Variants in ZPBP2 observed in about 807,000 individuals in gnomAD.
The protein encoded by ZPBP2 is zona pellucida-binding protein 2.
Under a neutral mutation model 37.5 loss-of-function variants are expected in ZPBP2, and 34 were observed. The ratio of observed to expected loss-of-function variants is 0.91; its 90% CI spans 0.69 to 1.21. ZPBP2 has a LOEUF of 1.21. ZPBP2 is among the 50% of genes most tolerant of loss of function. The pLI is 0.00. For missense variants in ZPBP2, 397 were observed against 413.5 expected, an observed-to-expected ratio of 0.96 and a Z score of 0.35; for synonymous variants, 143 against 138.4, an observed-to-expected ratio of 1.03 and a Z score of -0.23.
intron 3 of ZPBP2, 111 bp from the exon 4 acceptor site, chr17:39,871,353 T>A (rs2063363675): frequency 1.6e-6 from 1 of 639,282 alleles, no homozygotes; most frequent in Non-Finnish European, 2.4e-6. Flanking sequence ...ATCCTTAAAG[T>A]TGAGATAGTT....
intron 2 of ZPBP2, among the ~76,000 whole-genome samples, chr17:39,869,744 G>A (rs541073282): frequency 2.5e-4 from 24 of 97,072 alleles, no homozygotes; most frequent in Middle Eastern, 0.012. Context: ...ACAGCATCTC[G>A]CTCCATTGCC....
chr17:39,868,510 C>T lies in ZPBP2; in HGVS notation c.53-39C>T, dbSNP rs202236981. 43 of 1,614,082 alleles carry T rather than the reference C, an allele frequency of 2.7e-5. No individual in the cohort carries two copies. In the East Asian group the frequency reaches 8.9e-4, roughly 33 times the overall value. On this transcript the variant is annotated intron_variant, in intron 1 of 7. Transcript: ENST00000348931. Reference sequence around the variant, plus strand: ...CCCTGCCCGACTCTGAACCCTGCTCCTCTTCTAACTAAAAGTCAGTGTTTT... The same window carrying T: ...CCCTGCCCGACTCTGAACCCTGCTCTTCTTCTAACTAAAAGTCAGTGTTTT...
chr17:39,871,584 A>G lies in ZPBP2; in HGVS notation c.365A>G (p.Glu122Gly), dbSNP rs751812909. 5 of 1,597,048 alleles carry G rather than the reference A, an allele frequency of 3.1e-6. No homozygotes were observed. The South Asian group carries it at 4.6e-5, about 15-fold the overall frequency. Residue 122 changes from glutamate to glycine, a missense_variant, in exon 4 of 8, where the codon GAA becomes GGA. Glu to Gly is a moderately conservative substitution (Grantham distance 98). Coordinates refer to ENST00000348931, the MANE Select transcript of ZPBP2 (RefSeq NM_199321.3). ...AAGACTGTTAAAGCAGAAACTCAAGAAGAAAAAACAGTCAAAAAGAGATAT... is the reference window on the plus strand; with the variant it reads ...AAGACTGTTAAAGCAGAAACTCAAGGAGAAAAAACAGTCAAAAAGAGATAT... The part of the protein sequence containing the change: ...SYKTVKAETQ[E>G]EKTVKKRYDF...
Position 39,868,450 on chromosome 17 carries a change from G to A in ZPBP2, c.52+44G>A, listed in dbSNP as rs1205148348. On this transcript the variant is annotated intron_variant, in intron 1 of 7. Coordinates refer to ENST00000348931, the MANE Select transcript of ZPBP2 (RefSeq NM_199321.3). Reference sequence around the variant, plus strand: ...GGTCCCCAGGCCTCTCCCTCTGCCCGAGCTTCCCGGTCCTGCCTCCTTCGC... The same window carrying A: ...GGTCCCCAGGCCTCTCCCTCTGCCCAAGCTTCCCGGTCCTGCCTCCTTCGC... 5 of 1,611,764 alleles carry A rather than the reference G, an allele frequency of 3.1e-6. No homozygotes were observed. The Admixed American group carries it at 5.0e-5, about 16-fold the overall frequency.
At position 39,875,449 on chromosome 17, in the gene ZPBP2, T is replaced by C; in HGVS notation, c.889+15T>C. 1.3e-6 allele frequency: 2 copies of C among 1,547,088 alleles called. No homozygotes were observed. Among genetic ancestry groups the C allele is most frequent in the Non-Finnish European group, 1.7e-6 (2 of 1,146,464 alleles). ...TAGCTGTTGTGGTAACTATAAAATATAAATATCTAAACATTTAGGTTATAG... is the reference window on the plus strand; with the variant it reads ...TAGCTGTTGTGGTAACTATAAAATACAAATATCTAAACATTTAGGTTATAG... On this transcript the variant is annotated intron_variant, in intron 7 of 7. Coordinates refer to ENST00000348931, the MANE Select transcript of ZPBP2 (RefSeq NM_199321.3).
In ZPBP2 at chr17:39,868,345, C is replaced by A. The variant is rs374192011; in HGVS notation, c.-10C>A. On this transcript the variant is annotated 5_prime_UTR_variant, in exon 1 of 8. Transcript: ENST00000348931. ...CCCTCGACGCCTCCTGCGACGCCAGCCCCTGAGCGATGATGCGAACGTGCG... is the reference window on the plus strand; with the variant it reads ...CCCTCGACGCCTCCTGCGACGCCAGACCCTGAGCGATGATGCGAACGTGCG... The A allele has an allele frequency of 6.2e-7, 1 of 1,608,126 alleles. No homozygotes were observed. The highest frequency in any genetic ancestry group is 1.3e-5 in the African/African-American group (1 of 75,024).
chr17:39,875,663 A>T (rs1031674577), intron 7 of ZPBP2, among the ~76,000 whole-genome samples: 26 of 150,398 alleles, frequency 1.7e-4, no homozygotes, highest in Admixed American at 3.3e-4. Flanking sequence ...CAGTGGCGTC[A>T]TCTGAGCTCA....
intron 7 of ZPBP2, among the ~76,000 whole-genome samples, 187 bp downstream of exon 7, chr17:39,875,621 T>C (rs1057005275): frequency 4.6e-5 from 7 of 151,402 alleles, no homozygotes; most frequent in Non-Finnish European, 1.0e-4. Flanking sequence ...TTTTTTGAGA[T>C]AGAGTCTCAC....
intron 1 of ZPBP2, 28 bp downstream of exon 1, chr17:39,868,434 G>T: frequency 6.2e-7 from 1 of 1,611,420 alleles, no homozygotes; most frequent in Non-Finnish European, 8.5e-7. Flanking sequence ...CGGTCCCCAG[G>T]CCTCTCCCTC....
chr17:39,872,933 T>A, intron 5 of ZPBP2, 111 bp from the exon 6 acceptor site: 1 of 849,784 alleles, frequency 1.2e-6, no homozygotes, highest in Non-Finnish European at 1.9e-6. Context: ...ATTAGATAGC[T>A]GGACTAAACA....
At chr17:39,873,587 C>T (rs185974330) in intron 6 of ZPBP2, among the ~76,000 whole-genome samples, 28 of 152,062 alleles carry the variant, frequency 1.8e-4, no homozygotes, top group Admixed American at 1.8e-3. Context: ...TTTGGAGTAG[C>T]ACATCTGTAA....
chr17:39,871,541 A>G lies in ZPBP2; in HGVS notation c.322A>G (p.Thr108Ala), dbSNP rs777252358. ...TTTGGAGCCTTTGTCTGGACTTTACACATGTACTCTTTCTTATAAGACTGT... is the reference window on the plus strand; with the variant it reads ...TTTGGAGCCTTTGTCTGGACTTTACGCATGTACTCTTTCTTATAAGACTGT... ...DFLEPLSGLY[T>A]CTLSYKTVKA... is the part of the protein sequence containing the mutation. Residue 108 changes from threonine to alanine, a missense_variant, in exon 4 of 8, where the codon ACA becomes GCA. Physicochemically the swap from Thr to Ala is moderately conservative, Grantham distance 58 (BLOSUM62 0). Transcript: ENST00000348931. 1 of 1,609,786 alleles carries G rather than the reference A, an allele frequency of 6.2e-7. No homozygotes were observed. The highest frequency in any genetic ancestry group is 8.5e-7 in the Non-Finnish European group (1 of 1,178,076).
Position 39,875,421 on chromosome 17 carries a change from C to T in ZPBP2, c.876C>T (p.Cys292=), listed in dbSNP as rs10852935. ...FGKNERLHSN[C]ASCCVVCSPA... ...AAAATGAACGTCTACACAGTAATTG[C>T]GCTAGCTGTTGTGGTAACTATAAAA... Residue 292 remains cysteine (C), a synonymous_variant, in exon 7 of 8, where the codon TGC becomes TGT. Coordinates refer to ENST00000348931, the MANE Select transcript of ZPBP2 (RefSeq NM_199321.3). 699,935 of 1,600,156 alleles carry T rather than the reference C, an allele frequency of 0.44. 159,133 individuals are homozygous for T. The highest frequency in any genetic ancestry group is 0.47 in the Non-Finnish European group (551,191 of 1,174,394).
Position 39,876,664 on chromosome 17 carries a change from C to T in ZPBP2, c.890-18C>T, listed in dbSNP as rs780006656. ...AATATCTCTAAATTATAATTACTCC[C>T]TGTGTTTTCCTCTGCAGTGGTTTGT... On this transcript the variant is annotated intron_variant, in intron 7 of 7. Coordinates refer to ENST00000348931, the MANE Select transcript of ZPBP2 (RefSeq NM_199321.3). 6 of 1,612,208 alleles carry T rather than the reference C, an allele frequency of 3.7e-6. No homozygotes were observed. In the African/African-American group the frequency reaches 8.0e-5, roughly 22 times the overall value.
chr17:39,872,866 G>A (rs748422219), intron 5 of ZPBP2, among the ~76,000 whole-genome samples, 178 bp from the exon 6 acceptor site: 1 of 152,166 alleles, frequency 6.6e-6, no homozygotes, highest in Non-Finnish European at 1.5e-5. Flanking sequence ...GCCCCCAGAT[G>A]CAGTGAAACC....
chr17:39,870,700 T>C lies in ZPBP2; in HGVS notation c.125T>C (p.Ile42Thr). ...TTATTTTATTTCATCACAGACAAAA[T>C]ATATGTAGAGTTACATCAAAATAGT... ...IYGKTGQPDK[I>T]YVELHQNSPV... is the part of the protein sequence containing the mutation. The change falls in exon 3 of 8, where the codon ATA (isoleucine) becomes ACA (threonine). Residue 42 changes from isoleucine (I) to threonine (T), a missense_variant. Transcript: ENST00000348931. The C allele has an allele frequency of 7.0e-7, 1 of 1,419,456 alleles. No individual in the cohort carries two copies. The highest frequency in any genetic ancestry group is 9.5e-7 in the Non-Finnish European group (1 of 1,056,158). 87.9% of individuals were successfully genotyped at this position (1,419,456 alleles called of 1,614,324 possible). A position where few individuals can be genotyped will look rare whatever the true frequency, so the allele number is the denominator to read the frequency against.
intron 7 of ZPBP2, among the ~76,000 whole-genome samples, chr17:39,876,257 T>C (rs1230037236): frequency 6.6e-6 from 1 of 152,098 alleles, no homozygotes; most frequent in East Asian, 1.9e-4. Flanking sequence ...TTAATGTATA[T>C]TAACTCTTCC....
At chr17:39,874,464 G>A (rs901709625) in intron 6 of ZPBP2, among the ~76,000 whole-genome samples, 1 of 151,820 alleles carries the variant, frequency 6.6e-6, no homozygotes, top group African/African-American at 2.4e-5. Context: ...TTTTTGAGAT[G>A]GAGTCTCATT....
rs539509567 is a variant in ZPBP2 at position 39,874,138 on chromosome 17, A to G, written c.708+1012A>G. On this transcript the variant is annotated intron_variant, in intron 6 of 7. Transcript: ENST00000348931. ...GTAACTGGGACTAAAGGTGCACACC[A>G]CCACACCCACACCCGGCTAATTTTT... Among the ~76,000 whole-genome samples, 364 of 151,926 alleles carry G rather than the reference A, an allele frequency of 2.4e-3. 3 individuals are homozygous for G. The highest frequency in any genetic ancestry group is 0.014 in the Middle Eastern group (4 of 294).
Sources: allele counts gnomAD v4.1 joint callset (sites outside exome capture counted in the v4.1 genomes callset), GRCh38; gene constraint gnomAD v4.1.1; transcripts MANE v1.5; gene names NCBI Gene and HGNC (gene_info 2026-07-23, HGNC 2026-07-21).